RNF44: variants seen among roughly 807,000 people sequenced by gnomAD.
RNF44 encodes the protein ring finger protein 44.
Under a neutral mutation model 53.6 loss-of-function variants are expected in RNF44, and 25 were observed. That is an observed-to-expected ratio of 0.47 (90% CI 0.34 to 0.65). The LOEUF is 0.65. Among genes scored for constraint, RNF44 ranks in the 30% least tolerant of loss-of-function variants. The probability of loss-of-function intolerance (pLI) is 0.01; values close to 1 mark genes in which losing one functional copy is unlikely to be tolerated. For synonymous variants in RNF44, 282 were observed against 252.2 expected (o/e 1.12, Z -1.12); for missense variants, 581 against 595.5 (o/e 0.98, Z 0.25).
chr5:176,528,690 C>A lies in RNF44; in HGVS notation c.*338G>T. On this transcript the variant is annotated 3_prime_UTR_variant, in exon 11 of 11. Coordinates refer to ENST00000274811, the MANE Select transcript of RNF44 (RefSeq NM_014901.5). Reference sequence around the variant, plus strand: ...CTGCCCATCCTGGGGCCAAGGATCTCCACCGGCCCCACTGAGGGAGCGGAC... The same window carrying A: ...CTGCCCATCCTGGGGCCAAGGATCTACACCGGCCCCACTGAGGGAGCGGAC... The A allele has an allele frequency of 2.6e-5, 10 of 382,318 alleles. No individual in the cohort carries two copies. The highest frequency in any genetic ancestry group is 1.1e-4 in the South Asian group (3 of 27,474). 23.7% of individuals were successfully genotyped at this position (382,318 alleles called of 1,614,324 possible). A position where few individuals can be genotyped will look rare whatever the true frequency, so the allele number is the denominator to read the frequency against.
At chr5:176,538,682 G>C (rs1757369355), upstream of RNF44, among the ~76,000 whole-genome samples, 1 of 142,982 alleles carries the variant, frequency 7.0e-6, no homozygotes, top group African/African-American at 2.5e-5. Context: ...GTTAACCTGT[G>C]TGGTGGGCCA....
chr5:176,529,155 C>G (rs1195783580), intron 10 of RNF44, 65 bp from the exon 11 acceptor site: 1 of 1,593,656 alleles, frequency 6.3e-7, no homozygotes, highest in South Asian at 1.1e-5. Flanking sequence ...TGTGCAGCCA[C>G]CTGGGGGGAC....
chr5:176,531,553 C>T lies in RNF44; in HGVS notation c.375G>A (p.Gln125=), dbSNP rs913207197. 6.2e-7 allele frequency: 1 copy of T among 1,612,768 alleles called. No individual in the cohort carries two copies. The highest frequency in any genetic ancestry group is 1.1e-5 in the South Asian group (1 of 90,830). ...GCTGGGCACTGCAGCCAGGGATGTG[C>T]TGGCCTGTAGGCAAGGGGAAGCCTT... ...TTQGFPLPTG[Q]HIPGCSAQQL... Residue 125 remains glutamine, a synonymous_variant, in exon 4 of 11, where the codon CAG becomes CAA. Coordinates refer to ENST00000274811, the MANE Select transcript of RNF44 (RefSeq NM_014901.5). The surrounding 1 kb of genome is among the most constrained non-coding windows in gnomAD (Gnocchi z 4.2).
upstream of RNF44, among the ~76,000 whole-genome samples, chr5:176,539,879 C>A (rs80328395): frequency 5.4e-3 from 822 of 152,306 alleles, 8 homozygotes; most frequent in African/African-American, 0.018. Flanking sequence ...TCCCTCCTCT[C>A]ACACCATGGT....
At position 176,529,032 on chromosome 5, in the gene RNF44, T is replaced by C. The variant is rs751920624; in HGVS notation, c.1295A>G (p.Glu432Gly). The change falls in exon 11 of 11, where the codon GAG becomes GGG. Residue 432 changes from glutamate (E) to glycine (G), a missense_variant. This residue lies in a region of RNF44 where 183 missense variants were observed against 198.6 expected (regional missense o/e 0.92). Transcript: ENST00000274811. ...ADASEVPREA[E>G] Reference sequence around the variant, plus strand: ...CGGGCAGGCGGCTGCGTGGCCTCACTCAGCCTCCCTGGGCACCTCGGAGGC... The same window carrying C: ...CGGGCAGGCGGCTGCGTGGCCTCACCCAGCCTCCCTGGGCACCTCGGAGGC... 6.2e-7 allele frequency: 1 copy of C among 1,611,980 alleles called. No individual in the cohort carries two copies. Among genetic ancestry groups the C allele is most frequent in the Non-Finnish European group, 8.5e-7 (1 of 1,179,616 alleles).
intron 1 of RNF44, 85 bp from the exon 2 acceptor site, chr5:176,532,601 G>C (rs957894500): frequency 1.6e-6 from 2 of 1,231,184 alleles, no homozygotes; most frequent in Admixed American, 2.9e-5. Flanking sequence ...AAACTAGCCA[G>C]GCATGGTGGT....
upstream of RNF44, among the ~76,000 whole-genome samples, chr5:176,540,056 C>G (rs182343821): frequency 1.6e-3 from 248 of 152,334 alleles, no homozygotes; most frequent in African/African-American, 5.8e-3. Flanking sequence ...TGTGACATCT[C>G]CAGCTGTGCT....
intron 7 of RNF44, 111 bp from the exon 8 acceptor site, chr5:176,529,929 A>G: frequency 7.2e-7 from 1 of 1,385,754 alleles, no homozygotes. Context: ...GCAGCGGGGA[A>G]GGGAGCCCAG....
intron 1 of RNF44, among the ~76,000 whole-genome samples, 166 bp downstream of exon 1, chr5:176,536,774 C>A (rs1431836091): frequency 6.7e-6 from 1 of 149,142 alleles, no homozygotes; most frequent in Non-Finnish European, 1.5e-5. Context: ...CCACGGGGGG[C>A]CTTGGGGGGG....
rs1229289850 is a variant in RNF44 at position 176,531,847 on chromosome 5, T to C, written c.297+157A>G. The C allele has an allele frequency of 2.2e-6, 2 of 925,904 alleles. No individual in the cohort carries two copies. The highest frequency in any genetic ancestry group is 3.2e-6 in the Non-Finnish European group (2 of 624,720). The allele number at this position is 925,904 out of a possible 1,614,324, so 57.4% of individuals were successfully genotyped here. A position where few individuals can be genotyped will look rare whatever the true frequency, so the allele number is the denominator to read the frequency against. ...CTCTGCTAGTCACCCAGTGTGGCCC[T>C]TTCCCCGGGCCTCAGTTTACCTACC... On this transcript the variant is annotated intron_variant, in intron 3 of 10. Coordinates refer to ENST00000274811, the MANE Select transcript of RNF44 (RefSeq NM_014901.5). This position sits in a 1 kb window ranked among gnomAD's most constrained non-coding sequence, Gnocchi z 4.2.
At position 176,528,918 on chromosome 5, in the gene RNF44, C is replaced by T; in HGVS notation, c.*110G>A. The stretch of plus-strand genomic sequence containing the variant: ...CTGGCACCAGCTCTGGAAATGCAGG[C>T]AGGAGCGAAGGGGCAGGCCTGGGCC... On this transcript the variant is annotated 3_prime_UTR_variant, in exon 11 of 11. Transcript: ENST00000274811. The T allele has an allele frequency of 1.0e-6, 1 of 1,000,802 alleles. No individual in the cohort carries two copies. Among genetic ancestry groups the T allele is most frequent in the Admixed American group, 2.6e-5 (1 of 38,952 alleles). 62.0% of individuals were successfully genotyped at this position (1,000,802 alleles called of 1,614,324 possible). A position where few individuals can be genotyped will look rare whatever the true frequency, so the allele number is the denominator to read the frequency against.
Position 176,529,570 on chromosome 5 carries a change from G to A in RNF44, c.1089C>T (p.Leu363=). The change falls in exon 9 of 11, where the codon CTC becomes CTT. Residue 363 remains leucine (L), a synonymous_variant. Coordinates refer to ENST00000274811, the MANE Select transcript of RNF44 (RefSeq NM_014901.5). ...TGTCCGGGTTAAAGCGGTACGACGG[G>A]AGCTGCTCTATGTCTGCTTTGGTGA... ...RGLTKADIEQ[L]PSYRFNPDSH... 6.2e-7 allele frequency: 1 copy of A among 1,614,044 alleles called. No homozygotes were observed. Among genetic ancestry groups the A allele is most frequent in the Non-Finnish European group, 8.5e-7 (1 of 1,180,028 alleles).
At position 176,528,980 on chromosome 5, in the gene RNF44, T is replaced by C. The variant is rs781010905; in HGVS notation, c.*48A>G. The C allele has an allele frequency of 4.4e-6, 7 of 1,580,826 alleles. No homozygotes were observed. The Admixed American group carries it at 1.2e-4, about 27-fold the overall frequency. On this transcript the variant is annotated 3_prime_UTR_variant, in exon 11 of 11. Transcript: ENST00000274811. The stretch of plus-strand genomic sequence containing the variant: ...ATCCTCCCTGGGCCCCACCCACAAG[T>C]TTCCAGAGCTTCAGGCAGGGTTCTC...
At chr5:176,532,763 A>AAAAAAG (rs1358353368) in intron 1 of RNF44, among the ~76,000 whole-genome samples, 3,691 of 141,446 alleles carry the variant, frequency 0.026, 253 homozygotes, top group African/African-American at 0.099. Flanking sequence ...AAAAAAAAAA[A>AAAAAAG]AAAGAAAGAA....
chr5:176,529,501 G>A (rs1756355998), intron 9 of RNF44, 22 bp downstream of exon 9: 1 of 1,613,482 alleles, frequency 6.2e-7, no homozygotes, highest in South Asian at 1.1e-5. Context: ...CAGAGGGGTG[G>A]GAGGTGGGGC....
chr5:176,530,496 T>TGCAAGTCAGCCCGGCGG (rs1561845710), intron 6 of RNF44, 86 bp downstream of exon 6: 1 of 1,289,366 alleles, frequency 7.8e-7, no homozygotes, highest in African/African-American at 1.6e-5. Context: ...GCCTCCCAGC[T>TGCAAGTCAGCCCGGCGG]GCCTGGGAGC....
chr5:176,539,842 G>A (rs1054589047), upstream of RNF44, among the ~76,000 whole-genome samples: 11 of 152,096 alleles, frequency 7.2e-5, no homozygotes, highest in Non-Finnish European at 1.6e-4. Context: ...CTTCCTGCCC[G>A]AACTTTTCAG....
At chr5:176,529,481 C>A (rs1756354134) in intron 9 of RNF44, 42 bp downstream of exon 9, 3 of 1,610,304 alleles carry the variant, frequency 1.9e-6, no homozygotes, top group African/African-American at 2.7e-5. Context: ...CCACGGCAGC[C>A]AGCTGTGTTC....
At chr5:176,533,542 A>T (rs550180879) in intron 1 of RNF44, among the ~76,000 whole-genome samples, 1 of 152,304 alleles carries the variant, frequency 6.6e-6, no homozygotes, top group African/African-American at 2.4e-5. Flanking sequence ...GAGGTGATGA[A>T]GGAAGTCAGC....
Sources: gnomAD v4.1 joint callset for allele counts (sites outside exome capture counted in the v4.1 genomes callset) on GRCh38, gnomAD v4.1.1 for gene constraint, gnomAD v4.1.1 regional missense constraint, Gnocchi (gnomAD v3.1) non-coding constraint, MANE v1.5 for transcripts, NCBI Gene and HGNC (gene_info 2026-07-23, HGNC 2026-07-21) for gene names.